The following ERC2 variants were observed in gnomAD, a reference collection of about 807,000 sequenced individuals.
The protein encoded by ERC2 is ELKS/RAB6-interacting/CAST family member 2, also known as ERC protein 2.
A neutral mutation model predicts 114.8 loss-of-function variants in ERC2; 42 were observed. That is an observed-to-expected ratio of 0.37 (90% CI 0.29 to 0.47). The LOEUF (loss-of-function observed/expected upper bound fraction) is 0.47. Among genes scored for constraint, ERC2 ranks in the 20% least tolerant of loss-of-function variants. The probability of loss-of-function intolerance (pLI) is 0.99; values close to 1 mark genes in which losing one functional copy is unlikely to be tolerated. For missense variants in ERC2, 939 were observed against 1,150.7 expected (o/e 0.82, Z 2.66); for synonymous variants, 454 against 425.5 (o/e 1.07, Z -0.82).
intron 14 of ERC2, among the ~76,000 whole-genome samples, chr3:55,762,288 T>C (rs2067497169): frequency 6.6e-6 from 1 of 152,132 alleles, no homozygotes; most frequent in African/African-American, 2.4e-5. Context: ...AAGGGAGCAT[T>C]TTCTTTCATT....
At chr3:56,467,493 C>A (rs1444976225) in intron 1 of ERC2, among the ~76,000 whole-genome samples, 2 of 152,106 alleles carry the variant, frequency 1.3e-5, no homozygotes, top group African/African-American at 2.4e-5. Context: ...ATTTTATTAC[C>A]CCGAACCAAA....
Position 56,434,986 on chromosome 3 carries a change from T to C in ERC2, c.22A>G (p.Ile8Val), listed in dbSNP as rs2061954613. 1.9e-6 allele frequency: 3 copies of C among 1,611,028 alleles called. No individual in the cohort carries two copies. The highest frequency in any genetic ancestry group is 2.5e-6 in the Non-Finnish European group (3 of 1,179,612). The change falls in exon 2 of 18, where the codon ATC (isoleucine) becomes GTC (valine). Residue 8 changes from isoleucine to valine, a missense_variant. Physicochemically the swap from Ile to Val is conservative, Grantham distance 29. Coordinates refer to ENST00000288221, the MANE Select transcript of ERC2 (RefSeq NM_015576.3). The stretch of plus-strand genomic sequence containing the variant: ...GAAGGGCTACCTTCCAGATTGGTGA[T>C]TGTTCTTGCACTTCCATACATTTTT... Reference protein sequence around the residue: MYGSARTITNLEGSPSRS... With the variant: MYGSARTVTNLEGSPSRS...
chr3:56,033,056 G>GAA (rs1219977024), intron 7 of ERC2, among the ~76,000 whole-genome samples: 1 of 143,276 alleles, frequency 7.0e-6, no homozygotes, highest in African/African-American at 2.5e-5. Context: ...AAGAAAGAAA[G>GAA]AAAGAAAGAA....
intron 2 of ERC2, among the ~76,000 whole-genome samples, chr3:56,301,253 C>T (rs2055855446): frequency 6.6e-6 from 1 of 152,146 alleles, no homozygotes; most frequent in African/African-American, 2.4e-5. Flanking sequence ...TCATAATCAC[C>T]ATAAAATTTA....
chr3:55,949,174 C>G (rs955949603), intron 13 of ERC2, among the ~76,000 whole-genome samples: 6 of 151,992 alleles, frequency 3.9e-5, no homozygotes, highest in Non-Finnish European at 8.8e-5. Flanking sequence ...TGGAGACCAT[C>G]CTGGCTAACA....
intron 3 of ERC2, 151 bp downstream of exon 3, chr3:56,295,868 T>G: frequency 1.3e-6 from 1 of 795,262 alleles, no homozygotes; most frequent in Admixed American, 3.2e-5. Context: ...AATTCCAGTT[T>G]AATGGTCTTA....
chr3:56,061,588 T>C (rs1387963959), intron 7 of ERC2, among the ~76,000 whole-genome samples: 1 of 152,110 alleles, frequency 6.6e-6, no homozygotes, highest in Non-Finnish European at 1.5e-5. Flanking sequence ...TAAATAAAGG[T>C]CTTGTGGCAA....
chr3:55,853,769 G>A (rs1446730757), intron 14 of ERC2, among the ~76,000 whole-genome samples: 2 of 152,000 alleles, frequency 1.3e-5, no homozygotes, highest in East Asian at 3.9e-4. Context: ...GAGGAGGAAC[G>A]TGCAGTTATT....
chr3:55,709,717 A>G (rs1325966773), intron 15 of ERC2, among the ~76,000 whole-genome samples: 1 of 152,186 alleles, frequency 6.6e-6, no homozygotes, highest in Non-Finnish European at 1.5e-5. Context: ...CTTCAAAACA[A>G]AACAAATGAC....
chr3:55,896,566 G>A (rs1489595511), intron 13 of ERC2, among the ~76,000 whole-genome samples: 3 of 152,144 alleles, frequency 2.0e-5, no homozygotes, highest in South Asian at 2.1e-4. Flanking sequence ...ATTTCCTGGG[G>A]AAAAAAGTTT....
chr3:55,974,019 CAA>C (rs1439584305), intron 12 of ERC2, among the ~76,000 whole-genome samples: 1 of 151,964 alleles, frequency 6.6e-6, no homozygotes, highest in East Asian at 1.9e-4. Flanking sequence ...AACTGAAAAA[CAA>C]AACAAGGAAA....
chr3:56,227,939 A>T (rs1400150704), intron 3 of ERC2, among the ~76,000 whole-genome samples: 1 of 152,242 alleles, frequency 6.6e-6, no homozygotes, highest in Admixed American at 6.5e-5. Context: ...TTGCACAATA[A>T]TAAAACATAA....
At chr3:56,281,603 C>T (rs1435391168) in intron 3 of ERC2, among the ~76,000 whole-genome samples, 2 of 152,054 alleles carry the variant, frequency 1.3e-5, no homozygotes, top group African/African-American at 2.4e-5. Flanking sequence ...AATGCACAGT[C>T]TTGAGAGAAG....
At chr3:55,964,660 GCTTCTGT>G (rs1197208543) in intron 12 of ERC2, among the ~76,000 whole-genome samples, 1 of 152,170 alleles carries the variant, frequency 6.6e-6, no homozygotes, top group Non-Finnish European at 1.5e-5. Context: ...TTATCTCACA[GCTTCTGT>G]GGGTCAGAAG....
intron 17 of ERC2, among the ~76,000 whole-genome samples, chr3:55,540,935 T>A (rs1384505496): frequency 2.0e-5 from 3 of 152,162 alleles, no homozygotes; most frequent in African/African-American, 7.2e-5. Context: ...CAGCTTCTCT[T>A]ATTATAGTCT....
intron 3 of ERC2, among the ~76,000 whole-genome samples, chr3:56,235,449 T>C (rs1276234823): frequency 1.3e-5 from 2 of 152,272 alleles, no homozygotes; most frequent in Non-Finnish European, 2.9e-5. Context: ...GCATTGTAGA[T>C]AGTTGCCAAT....
At chr3:55,878,292 C>T (rs2062959710) in intron 14 of ERC2, among the ~76,000 whole-genome samples, 1 of 152,134 alleles carries the variant, frequency 6.6e-6, no homozygotes, top group Non-Finnish European at 1.5e-5. Context: ...TAAAACTATA[C>T]ATACAGTGCA....
At chr3:56,336,519 T>G (rs1576482665) in intron 2 of ERC2, among the ~76,000 whole-genome samples, 1 of 152,084 alleles carries the variant, frequency 6.6e-6, no homozygotes, top group Non-Finnish European at 1.5e-5. Flanking sequence ...TGTGGCCAGG[T>G]GCAGTGGCTC....
At chr3:56,407,314 C>T (rs1485514421) in intron 2 of ERC2, among the ~76,000 whole-genome samples, 1 of 152,188 alleles carries the variant, frequency 6.6e-6, no homozygotes, top group African/African-American at 2.4e-5. Flanking sequence ...AGGTCAGAAG[C>T]ATTCTGAGGT....
Sources: gnomAD v4.1 joint callset for allele counts (sites outside exome capture counted in the v4.1 genomes callset) on GRCh38, gnomAD v4.1.1 for gene constraint, MANE v1.5 for transcripts, NCBI Gene and HGNC (gene_info 2026-07-23, HGNC 2026-07-21) for gene names.